RIPOR2: variants seen among roughly 807,000 people sequenced by gnomAD.
The protein encoded by RIPOR2 is RHO family interacting cell polarization regulator 2.
Under a neutral mutation model 114.5 loss-of-function variants are expected in RIPOR2, and 39 were observed. The observed-to-expected ratio is 0.34, with a 90% confidence interval of 0.26 to 0.44. RIPOR2 has a LOEUF of 0.44. Ranked by LOEUF, RIPOR2 falls within the 20% of genes least tolerant of loss-of-function variation. RIPOR2 has a pLI of 1.00. For missense variants in RIPOR2, 1,007 were observed against 1,255.1 expected, an observed-to-expected ratio of 0.80 and a Z score of 2.99; for synonymous variants, 445 against 484.4, an observed-to-expected ratio of 0.92 and a Z score of 1.07.
At chr6:24,891,269 T>C (rs994972511) in intron 1 of RIPOR2, among the ~76,000 whole-genome samples, 1 of 152,224 alleles carries the variant, frequency 6.6e-6, no homozygotes, top group Admixed American at 6.5e-5. Context: ...AGTGGTTTCA[T>C]TGCTGGTTCT....
chr6:24,828,980 C>G (rs1271190075), intron 17 of RIPOR2, among the ~76,000 whole-genome samples: 1 of 152,082 alleles, frequency 6.6e-6, no homozygotes, highest in East Asian at 1.9e-4. Flanking sequence ...GAGAATCATT[C>G]AAATTATTGA....
At chr6:24,873,288 G>A (rs1765394585) in intron 3 of RIPOR2, among the ~76,000 whole-genome samples, 2 of 152,200 alleles carry the variant, frequency 1.3e-5, no homozygotes. Flanking sequence ...AACAAATAGT[G>A]AATGTCCCAT....
intron 1 of RIPOR2, among the ~76,000 whole-genome samples, chr6:25,000,803 G>A (rs757084601): frequency 6.6e-6 from 1 of 152,006 alleles, no homozygotes. Flanking sequence ...CAGCATGCTG[G>A]ACCAGCAGCA....
intron 1 of RIPOR2, among the ~76,000 whole-genome samples, chr6:24,956,816 A>T (rs1773061994): frequency 6.6e-6 from 1 of 152,234 alleles, no homozygotes; most frequent in African/African-American, 2.4e-5. Flanking sequence ...GAATCAGATA[A>T]ACATTGTTTT....
chr6:24,892,413 G>C (rs578258451), intron 1 of RIPOR2, among the ~76,000 whole-genome samples: 1 of 151,974 alleles, frequency 6.6e-6, no homozygotes, highest in African/African-American at 2.4e-5. Flanking sequence ...GCATCATTCC[G>C]TATGCTCACA....
chr6:24,892,770 A>G (rs1767489391), intron 1 of RIPOR2, among the ~76,000 whole-genome samples: 1 of 152,180 alleles, frequency 6.6e-6, no homozygotes, highest in African/African-American at 2.4e-5. Flanking sequence ...GAGAAGGACA[A>G]GAAGAGACGC....
At chr6:24,835,185 A>G (rs945739011) in intron 15 of RIPOR2, among the ~76,000 whole-genome samples, 1 of 152,214 alleles carries the variant, frequency 6.6e-6, no homozygotes, top group Non-Finnish European at 1.5e-5. Flanking sequence ...GGTGTCCCAG[A>G]ATGAGAGCTA....
chr6:24,951,885 G>A (rs1581864732), intron 1 of RIPOR2, among the ~76,000 whole-genome samples: 2 of 152,138 alleles, frequency 1.3e-5, no homozygotes, highest in East Asian at 3.8e-4. Flanking sequence ...TTGTGGTAAA[G>A]ACTACCTTGC....
intron 1 of RIPOR2, chr6:25,023,721 C>T (rs1776446827): frequency 1.3e-6 from 1 of 780,798 alleles, no homozygotes; most frequent in Non-Finnish European, 2.3e-6. Context: ...TGTTTGTCCG[C>T]GACTTCGTTC....
At chr6:24,870,990 A>G in intron 4 of RIPOR2, 101 bp from the exon 5 acceptor site, 1 of 645,338 alleles carries the variant, frequency 1.5e-6, no homozygotes, top group South Asian at 2.6e-5. Flanking sequence ...TATCTGTGGA[A>G]ATAATGATCA....
At chr6:24,983,099 T>C (rs1457008330) in intron 1 of RIPOR2, among the ~76,000 whole-genome samples, 2 of 152,106 alleles carry the variant, frequency 1.3e-5, no homozygotes, top group Non-Finnish European at 2.9e-5. Flanking sequence ...CTAGAATCTA[T>C]GCTCCTGGGT....
intron 1 of RIPOR2, among the ~76,000 whole-genome samples, chr6:24,992,113 ACT>A (rs1774849081): frequency 6.6e-6 from 1 of 152,204 alleles, no homozygotes; most frequent in African/African-American, 2.4e-5. Context: ...GAATCTGTGC[ACT>A]GAGTTAGGAA....
intron 13 of RIPOR2, chr6:24,839,663 T>C: frequency 6.5e-7 from 1 of 1,533,914 alleles, no homozygotes. Flanking sequence ...CAAAACCATG[T>C]CAACCACAAA....
intron 1 of RIPOR2, among the ~76,000 whole-genome samples, chr6:24,935,538 C>A (rs568968136): frequency 8.5e-5 from 13 of 152,228 alleles, no homozygotes; most frequent in African/African-American, 3.1e-4. Context: ...CAAGAGATAG[C>A]ACAGAAGAGA....
At chr6:24,967,909 CTTTTTTTTT>C (rs35997558) in intron 1 of RIPOR2, among the ~76,000 whole-genome samples, 1 of 123,518 alleles carries the variant, frequency 8.1e-6, no homozygotes, top group African/African-American at 3.2e-5. Context: ...AGATCTCAAT[CTTTTTTTTT>C]TTTTTTTTTT....
At chr6:24,928,653 G>A (rs1561784471) in intron 1 of RIPOR2, among the ~76,000 whole-genome samples, 1 of 152,150 alleles carries the variant, frequency 6.6e-6, no homozygotes, top group Non-Finnish European at 1.5e-5. Context: ...TAATTCAAAG[G>A]CAAAGAAAGA....
chr6:24,916,085 A>G (rs186568844), intron 1 of RIPOR2, among the ~76,000 whole-genome samples: 85 of 152,336 alleles, frequency 5.6e-4, no homozygotes, highest in Non-Finnish European at 1.0e-3. Flanking sequence ...AAGGGTTTGG[A>G]CAACCTGATC....
chr6:24,921,239 T>G (rs1429141510), intron 1 of RIPOR2, among the ~76,000 whole-genome samples: 1 of 152,042 alleles, frequency 6.6e-6, no homozygotes, highest in Non-Finnish European at 1.5e-5. Flanking sequence ...CTCGGCTCAC[T>G]GCAGCCTCTG....
intron 1 of RIPOR2, among the ~76,000 whole-genome samples, chr6:24,947,421 G>A (rs901358203): frequency 1.3e-5 from 2 of 152,204 alleles, no homozygotes; most frequent in Non-Finnish European, 2.9e-5. Flanking sequence ...GCTCAACCCT[G>A]AATGTACCTT....
Sources: allele counts gnomAD v4.1 joint callset (sites outside exome capture counted in the v4.1 genomes callset), GRCh38; gene constraint gnomAD v4.1.1; transcripts MANE v1.5; gene names NCBI Gene and HGNC (gene_info 2026-07-23, HGNC 2026-07-21).